The following ASCC3 variants were observed in gnomAD, a reference collection of about 807,000 sequenced individuals.
ASCC3 encodes activating signal cointegrator 1 complex subunit 3, also known as ASC-1 complex subunit P200.
In ASCC3, 158 loss-of-function variants were observed where a neutral mutation model predicts 256.3. That is an observed-to-expected ratio of 0.62 (90% confidence interval 0.54 to 0.70). The LOEUF (loss-of-function observed/expected upper bound fraction) is 0.70, where lower values mean the gene tolerates loss of function less well. ASCC3 is among the 30% of genes least tolerant of loss of function. The pLI is 0.00. For synonymous variants in ASCC3, 948 were observed against 883.4 expected (o/e 1.07, Z -1.30); for missense variants, 2,259 against 2,626.0 (o/e 0.86, Z 3.05).
intron 37 of ASCC3, among the ~76,000 whole-genome samples, chr6:100,521,372 T>C (rs993533937): frequency 1.3e-5 from 2 of 152,098 alleles, no homozygotes; most frequent in African/African-American, 4.8e-5. Context: ...TGCTAAAGCA[T>C]ACAATAAGAA....
chr6:100,672,904 G>A (rs539567997), intron 14 of ASCC3, among the ~76,000 whole-genome samples: 1 of 152,072 alleles, frequency 6.6e-6, no homozygotes, highest in East Asian at 1.9e-4. Flanking sequence ...TAAAATGACT[G>A]GTAACCAGCT....
intron 13 of ASCC3, among the ~76,000 whole-genome samples, chr6:100,690,384 T>G (rs759491651): frequency 6.6e-6 from 1 of 152,098 alleles, no homozygotes; most frequent in Non-Finnish European, 1.5e-5. Context: ...AACTGTAATG[T>G]ACTACTGAAC....
At chr6:100,694,087 A>G (rs916425180) in intron 13 of ASCC3, among the ~76,000 whole-genome samples, 1 of 152,136 alleles carries the variant, frequency 6.6e-6, no homozygotes, top group Admixed American at 6.6e-5. Context: ...GCTCTTGGAT[A>G]AAAGTTTGAA....
At chr6:100,876,974 C>G (rs1197299817) in intron 1 of ASCC3, among the ~76,000 whole-genome samples, 1 of 151,942 alleles carries the variant, frequency 6.6e-6, no homozygotes, top group East Asian at 1.9e-4. Flanking sequence ...TGATATTAAC[C>G]AATAATCAGT....
chr6:100,624,605 C>T (rs1280309312), intron 30 of ASCC3, among the ~76,000 whole-genome samples: 1 of 151,914 alleles, frequency 6.6e-6, no homozygotes, highest in Non-Finnish European at 1.5e-5. Context: ...AAAATATTCA[C>T]ATTATTTGAC....
rs566367768 is a variant in ASCC3, at chr6:100,552,594, C to T, written c.5551-12207G>A. Among the ~76,000 whole-genome samples, 63 of 152,076 alleles carry T rather than the reference C, an allele frequency of 4.1e-4. 1 individual carries two copies. Among genetic ancestry groups the T allele is most frequent in the Admixed American group, 3.3e-4 (5 of 15,262 alleles). On this transcript the variant is annotated intron_variant, in intron 36 of 41. Transcript: ENST00000369162. ...TCCAATTAGGTTTCTTTTAAATCCA[C>T]ATTAATTAAATGCTCACAAAAGTAC...
chr6:100,805,745 T>G lies in ASCC3; in HGVS notation c.922+15A>C, dbSNP rs919609036. ...ATTTCCTTTAAATTACAATGACCAC[T>G]GCATACTTTCTTACCTTGAAGAGCC... On this transcript the variant is annotated intron_variant, in intron 5 of 41. Coordinates refer to ENST00000369162, the MANE Select transcript of ASCC3 (RefSeq NM_006828.4). 5.6e-6 allele frequency: 9 copies of G among 1,608,862 alleles called. No individual in the cohort carries two copies. The highest frequency in any genetic ancestry group is 7.6e-6 in the Non-Finnish European group (9 of 1,177,646).
At chr6:100,654,099 CAA>C (rs954713251) in intron 17 of ASCC3, among the ~76,000 whole-genome samples, 17 of 152,050 alleles carry the variant, frequency 1.1e-4, no homozygotes, top group Non-Finnish European at 2.4e-4. Flanking sequence ...AAGATGGAGT[CAA>C]GAGTTACATC....
chr6:100,728,944 A>T (rs1031087255), intron 10 of ASCC3, among the ~76,000 whole-genome samples: 1 of 152,140 alleles, frequency 6.6e-6, no homozygotes, highest in African/African-American at 2.4e-5. Context: ...TCATTTTCAC[A>T]TCGGATAAAG....
chr6:100,623,451 G>A (rs1290558814), intron 30 of ASCC3, among the ~76,000 whole-genome samples: 1 of 152,148 alleles, frequency 6.6e-6, no homozygotes, highest in African/African-American at 2.4e-5. Context: ...ACACAATAAT[G>A]TAATACATAC....
At chr6:100,582,361 C>G (rs369257595) in intron 36 of ASCC3, among the ~76,000 whole-genome samples, 3,863 of 149,710 alleles carry the variant, frequency 0.026, 179 homozygotes, top group African/African-American at 0.093. Flanking sequence ...GTGAATGGGA[C>G]TTCACTCATG....
intron 10 of ASCC3, among the ~76,000 whole-genome samples, chr6:100,732,095 G>C (rs1421715771): frequency 6.6e-6 from 1 of 151,052 alleles, no homozygotes; most frequent in Non-Finnish European, 1.5e-5. Context: ...CGGGAGGCGG[G>C]GGTTGCAGTG....
chr6:100,553,955 G>A (rs375292592), intron 36 of ASCC3, among the ~76,000 whole-genome samples: 18 of 152,108 alleles, frequency 1.2e-4, no homozygotes, highest in East Asian at 3.9e-4. Context: ...ACACCCTTAT[G>A]TCACATAACT....
intron 37 of ASCC3, among the ~76,000 whole-genome samples, chr6:100,523,549 G>A (rs1273575075): frequency 6.6e-6 from 1 of 152,124 alleles, no homozygotes; most frequent in African/African-American, 2.4e-5. Context: ...TTTAGAAAAT[G>A]GGCAGTCTCT....
At chr6:100,863,617 C>CT (rs1554249080) in intron 3 of ASCC3, among the ~76,000 whole-genome samples, 8 of 151,498 alleles carry the variant, frequency 5.3e-5, no homozygotes, top group African/African-American at 1.9e-4. Context: ...TACGGACTGT[C>CT]TTTTTTTTTC....
chr6:100,876,565 G>C (rs1358426928), intron 1 of ASCC3, among the ~76,000 whole-genome samples: 3 of 152,142 alleles, frequency 2.0e-5, no homozygotes, highest in African/African-American at 7.2e-5. Context: ...GTTCAACTAG[G>C]AGGTCTTAAA....
At chr6:100,789,502 T>C (rs549912844) in intron 8 of ASCC3, among the ~76,000 whole-genome samples, 2 of 151,976 alleles carry the variant, frequency 1.3e-5, no homozygotes, top group African/African-American at 2.4e-5. Flanking sequence ...CAGATGACTA[T>C]TAAGTATAAG....
chr6:100,767,953 T>C (rs1308703847), intron 8 of ASCC3, among the ~76,000 whole-genome samples: 2 of 152,066 alleles, frequency 1.3e-5, no homozygotes, highest in Non-Finnish European at 2.9e-5. Context: ...GGTAAATTAG[T>C]AATGTAAGAA....
rs1769202338 is a variant in ASCC3 at position 100,549,884 on chromosome 6, T to C, written c.5551-9497A>G. On this transcript the variant is annotated intron_variant, in intron 36 of 41. Coordinates refer to ENST00000369162, the MANE Select transcript of ASCC3 (RefSeq NM_006828.4). ...TTCCCAGAAGACACGGCATTTGTTC[T>C]AGGCTTAGAACAATTTGTAGAAGAG... is the stretch of plus-strand genomic sequence containing the variant. Among the ~76,000 whole-genome samples, 3 of 151,962 alleles carry C rather than the reference T, an allele frequency of 2.0e-5. No homozygotes were observed. In the South Asian group the frequency reaches 6.2e-4, roughly 31 times the overall value.
Sources: gnomAD v4.1 joint callset for allele counts (sites outside exome capture counted in the v4.1 genomes callset) on GRCh38, gnomAD v4.1.1 for gene constraint, MANE v1.5 for transcripts, NCBI Gene and HGNC (gene_info 2026-07-23, HGNC 2026-07-21) for gene names.